The following IGF2R variants were observed in gnomAD, a reference collection of about 807,000 sequenced individuals.
IGF2R encodes insulin like growth factor 2 receptor.
Under a neutral mutation model 270.6 loss-of-function variants are expected in IGF2R, and 91 were observed. The ratio of observed to expected loss-of-function variants is 0.34; its 90% CI spans 0.28 to 0.40. IGF2R has a LOEUF of 0.40. Among genes scored for constraint, IGF2R ranks in the 10% least tolerant of loss-of-function variants. The pLI is 1.00. For synonymous variants in IGF2R, 1,316 were observed against 1,258.9 expected (o/e 1.05, Z -0.96); for missense variants, 2,805 against 3,188.3 (o/e 0.88, Z 2.90).
Position 160,106,711 on chromosome 6 carries a change from C to G in IGF2R, c.*1627C>G, listed in dbSNP as rs1235469463. 2 of 152,184 alleles carry G rather than the reference C, an allele frequency of 1.3e-5. No homozygotes were observed. Among genetic ancestry groups the G allele is most frequent in the Non-Finnish European group, 2.9e-5 (2 of 68,022 alleles). The allele number at this position is 152,184 out of a possible 1,614,324, so 9.4% of individuals were successfully genotyped here. Reference sequence around the variant, plus strand: ...CAGCACTTTCATTTTTCTCCAGAGTCTCCTGGTCGTAGGTGTTAACTTTGG... The same window carrying G: ...CAGCACTTTCATTTTTCTCCAGAGTGTCCTGGTCGTAGGTGTTAACTTTGG... On this transcript the variant is annotated 3_prime_UTR_variant, in exon 48 of 48. Coordinates refer to ENST00000356956, the MANE Select transcript of IGF2R (RefSeq NM_000876.4).
chr6:160,068,462 T>C, intron 30 of IGF2R, 77 bp downstream of exon 30: 1 of 1,576,702 alleles, frequency 6.3e-7, no homozygotes. Context: ...GGGGGCCTCC[T>C]CGTGGGGTGG....
At chr6:160,092,588 C>G (rs1219948801) in intron 44 of IGF2R, among the ~76,000 whole-genome samples, 1 of 152,234 alleles carries the variant, frequency 6.6e-6, no homozygotes, top group Admixed American at 6.5e-5. Flanking sequence ...AATGAAGTTT[C>G]TATCTCTTCC....
Position 159,984,819 on chromosome 6 carries a change from C to T in IGF2R, c.150-6365C>T, listed in dbSNP as rs138401928. The stretch of plus-strand genomic sequence containing the variant: ...CTGAGGTTTCAGTTACCCATGGTCA[C>T]TTGCAGTCTGAAAATATGAAGATAT... On this transcript the variant is annotated intron_variant, in intron 1 of 47. Transcript: ENST00000356956. Among the ~76,000 whole-genome samples the T allele has an allele frequency of 3.5e-4, 53 of 152,330 alleles. 1 individual carries two copies. In the East Asian group the frequency reaches 9.2e-3, roughly 27 times the overall value.
intron 26 of IGF2R, 87 bp from the exon 27 acceptor site, chr6:160,063,328 C>T (rs904840681): frequency 6.1e-5 from 64 of 1,047,918 alleles, no homozygotes; most frequent in Middle Eastern, 3.0e-4. Flanking sequence ...TGAGCCACTG[C>T]GCCCGGCCAT....
At chr6:159,969,473 G>C (rs1783574258) in intron 1 of IGF2R, 78 bp downstream of exon 1, 2 of 1,050,090 alleles carry the variant, frequency 1.9e-6, no homozygotes, top group Non-Finnish European at 1.2e-6. Flanking sequence ...GGGAGCGCTC[G>C]AGGAGCTCCT....
At chr6:160,042,706 C>G (rs1777972184) in intron 11 of IGF2R, among the ~76,000 whole-genome samples, 1 of 152,200 alleles carries the variant, frequency 6.6e-6, no homozygotes, top group Admixed American at 6.5e-5. Flanking sequence ...TTGCTGGTTT[C>G]TTTTAGCTTC....
intron 25 of IGF2R, 36 bp downstream of exon 25, chr6:160,061,964 G>A (rs1326100645): frequency 5.7e-6 from 9 of 1,589,362 alleles, no homozygotes; most frequent in East Asian, 2.2e-5. Context: ...TGTTGTCCCC[G>A]GGTGACTCCA....
intron 45 of IGF2R, among the ~76,000 whole-genome samples, chr6:160,097,815 C>T (rs1024935387): frequency 3.3e-5 from 5 of 152,272 alleles, no homozygotes; most frequent in Non-Finnish European, 7.3e-5. Flanking sequence ...AATCAGCACT[C>T]CCCCTGCCCA....
Position 160,058,205 on chromosome 6 carries a change from A to T in IGF2R, c.2898+81A>T, listed in dbSNP as rs888211957. 2.3e-5 allele frequency: 21 copies of T among 907,568 alleles called. 1 individual carries two copies. In the East Asian group the frequency reaches 5.1e-4, roughly 22 times the overall value. 56.2% of individuals were successfully genotyped at this position (907,568 alleles called of 1,614,324 possible). On this transcript the variant is annotated intron_variant, in intron 21 of 47. Transcript: ENST00000356956. ...ATTGAAGTCACCTGCACGTGGTGATATGAGAGAATTGCCCAGGCCACTGTG... is the reference window on the plus strand; with the variant it reads ...ATTGAAGTCACCTGCACGTGGTGATTTGAGAGAATTGCCCAGGCCACTGTG...
chr6:160,003,996 G>A (rs563426672), intron 2 of IGF2R: 53 of 152,342 alleles, frequency 3.5e-4, no homozygotes, highest in Middle Eastern at 6.8e-3. Context: ...GGTAGCCAAG[G>A]AGTGTGTTGG....
chr6:160,039,439 T>C (rs1362720823), intron 10 of IGF2R, among the ~76,000 whole-genome samples: 2 of 152,270 alleles, frequency 1.3e-5, no homozygotes, highest in Admixed American at 6.5e-5. Flanking sequence ...AGCCTGTTCT[T>C]CTGCAGCTTG....
At chr6:160,074,461 T>C (rs997355761) in intron 35 of IGF2R, among the ~76,000 whole-genome samples, 7 of 152,246 alleles carry the variant, frequency 4.6e-5, no homozygotes, top group Non-Finnish European at 7.3e-5. Flanking sequence ...AAAAATTATT[T>C]TGTAGAGATG....
intron 11 of IGF2R, among the ~76,000 whole-genome samples, chr6:160,042,326 G>A (rs1777963038): frequency 1.3e-5 from 2 of 152,176 alleles, no homozygotes; most frequent in African/African-American, 4.8e-5. Flanking sequence ...TTCTCCAAAT[G>A]TACTGTATCA....
In IGF2R at chr6:160,084,212, C is replaced by T. The variant is rs751333741; in HGVS notation, c.6068+28C>T. Reference sequence around the variant, plus strand: ...GAGTGCCTTCCCAGTCCACCCGCGGCGCCACACCCTCAGCATGTGAACTTC... The same window carrying T: ...GAGTGCCTTCCCAGTCCACCCGCGGTGCCACACCCTCAGCATGTGAACTTC... On this transcript the variant is annotated intron_variant, in intron 40 of 47. Coordinates refer to ENST00000356956, the MANE Select transcript of IGF2R (RefSeq NM_000876.4). This position sits in a 1 kb window ranked among gnomAD's most constrained non-coding sequence, Gnocchi z 4.6. 91 of 1,363,644 alleles carry T rather than the reference C, an allele frequency of 6.7e-5. 1 individual carries two copies. The highest frequency in any genetic ancestry group is 6.9e-5 in the East Asian group (3 of 43,522). The allele number at this position is 1,363,644 out of a possible 1,614,324, so 84.5% of individuals were successfully genotyped here. A position where few individuals can be genotyped will look rare whatever the true frequency, so the allele number is the denominator to read the frequency against.
chr6:160,061,533 G>A lies in IGF2R; in HGVS notation c.3293G>A (p.Gly1098Asp), dbSNP rs764524212. ...GCTGGAAATGAGTACGACCTGACTG[G>A]CCTAAGCACAGTCAGGAAACCTTGG... ...DLAGNEYDLTGLSTVRKPWTA... is the reference protein window; with the variant it reads ...DLAGNEYDLTDLSTVRKPWTA... The change falls in exon 24 of 48, where the codon GGC becomes GAC. Residue 1098 changes from glycine (G) to aspartate (D), a missense_variant. Around this residue, in one of 2 missense-constraint regions of IGF2R, gnomAD observed 1,851 missense variants for 2,207.2 expected, o/e 0.84. Coordinates refer to ENST00000356956, the MANE Select transcript of IGF2R (RefSeq NM_000876.4). 1.9e-6 allele frequency: 3 copies of A among 1,613,978 alleles called. No homozygotes were observed. Among genetic ancestry groups the A allele is most frequent in the Admixed American group, 1.7e-5 (1 of 60,022 alleles).
Position 160,096,480 on chromosome 6 carries a change from G to A in IGF2R, c.6697G>A (p.Gly2233Arg), listed in dbSNP as rs778841231. 23 of 1,613,734 alleles carry A rather than the reference G, an allele frequency of 1.4e-5. No individual in the cohort carries two copies. Among genetic ancestry groups the A allele is most frequent in the Admixed American group, 1.7e-5 (1 of 59,974 alleles). ...DVVFASSSKC[G>R]KDKTKSVSST... Reference sequence around the variant, plus strand: ...CGTGTTTGCCTCTTCCTCTAAGTGCGGAAAGGATAAGACCAAGTCTGTTTC... The same window carrying A: ...CGTGTTTGCCTCTTCCTCTAAGTGCAGAAAGGATAAGACCAAGTCTGTTTC... Residue 2233 changes from glycine (G) to arginine (R), a missense_variant, in exon 45 of 48, where the codon GGA (glycine) becomes AGA (arginine). Around this residue, in one of 2 missense-constraint regions of IGF2R, gnomAD observed 1,851 missense variants for 2,207.2 expected, o/e 0.84. Coordinates refer to ENST00000356956, the MANE Select transcript of IGF2R (RefSeq NM_000876.4).
In IGF2R at chr6:160,045,778, C is replaced by G. The variant is rs1356901266; in HGVS notation, c.1799C>G (p.Ser600Cys). ...DLESAPVLRT[S>C]GEGGCFYEFE... ...GAAAGTGCACCAGTGTTGAGAACTT[C>G]TGGGGAAGGCGGTTGCTTTTATGAG... is the stretch of plus-strand genomic sequence containing the variant. The change falls in exon 14 of 48, where the codon TCT becomes TGT. Residue 600 changes from serine (S) to cysteine (C), a missense_variant. Transcript: ENST00000356956. 1.2e-6 allele frequency: 2 copies of G among 1,614,106 alleles called. No individual in the cohort carries two copies. Among genetic ancestry groups the G allele is most frequent in the Admixed American group, 1.7e-5 (1 of 60,024 alleles).
intron 41 of IGF2R, 32 bp downstream of exon 41, chr6:160,085,163 A>G (rs1412140380): frequency 6.2e-7 from 1 of 1,606,944 alleles, no homozygotes; most frequent in Admixed American, 1.7e-5. Context: ...CCTTGGTTCA[A>G]GGAGCAGCAT....
intron 1 of IGF2R, among the ~76,000 whole-genome samples, chr6:159,984,475 A>G (rs920063116): frequency 2.0e-5 from 3 of 152,326 alleles, no homozygotes; most frequent in African/African-American, 4.8e-5. Flanking sequence ...TCCATTCATT[A>G]TAAGTGCCCT....
Sources: allele counts gnomAD v4.1 joint callset (sites outside exome capture counted in the v4.1 genomes callset), GRCh38; gene constraint gnomAD v4.1.1; regional missense constraint gnomAD v4.1.1; non-coding constraint Gnocchi (gnomAD v3.1); transcripts MANE v1.5; gene names NCBI Gene and HGNC (gene_info 2026-07-23, HGNC 2026-07-21).